The following FAM193A variants were observed in gnomAD, a reference collection of about 807,000 sequenced individuals.
FAM193A encodes family with sequence similarity 193 member A.
In FAM193A, 22 loss-of-function variants were observed where a neutral mutation model predicts 126.5. The observed-to-expected ratio is 0.17, with a 90% CI of 0.12 to 0.25. The LOEUF is 0.25. Among genes scored for constraint, FAM193A ranks in the 10% least tolerant of loss-of-function variants. The pLI is 1.00. For synonymous variants in FAM193A, 761 were observed against 646.8 expected (o/e 1.18, Z -2.68); for missense variants, 1,675 against 1,672.8 (o/e 1.00, Z -0.02).
chr4:2,607,927 C>T (rs1046886127), intron 2 of FAM193A: 57 of 1,258,248 alleles, frequency 4.5e-5, no homozygotes, highest in Admixed American at 1.1e-4. Context: ...GTGATGGTGT[C>T]GCTTTATGAA....
chr4:2,570,732 C>T (rs1475012891), intron 1 of FAM193A, among the ~76,000 whole-genome samples: 3 of 152,106 alleles, frequency 2.0e-5, no homozygotes, highest in African/African-American at 4.8e-5. Flanking sequence ...TGGGTACAGG[C>T]CTTGGTGAGC....
intron 1 of FAM193A, among the ~76,000 whole-genome samples, chr4:2,566,469 C>T (rs1289570220): frequency 1.3e-5 from 2 of 152,102 alleles, no homozygotes; most frequent in Non-Finnish European, 2.9e-5. Context: ...GCGGACGGAT[C>T]ACTTGAAGTC....
intron 2 of FAM193A, chr4:2,607,947 T>C (rs1741641269): frequency 1.4e-6 from 2 of 1,442,384 alleles, no homozygotes; most frequent in Admixed American, 4.9e-5. Flanking sequence ...ACACAGATTC[T>C]TTTCTTTTTT....
chr4:2,686,208 C>G (rs559566397), intron 13 of FAM193A, among the ~76,000 whole-genome samples: 1 of 152,342 alleles, frequency 6.6e-6, no homozygotes, highest in East Asian at 1.9e-4. Flanking sequence ...GTCCCTACAA[C>G]TGGGCTTCCG....
At chr4:2,664,444 G>C (rs1253474735) in intron 12 of FAM193A, among the ~76,000 whole-genome samples, 1 of 151,332 alleles carries the variant, frequency 6.6e-6, no homozygotes, top group South Asian at 2.1e-4. Flanking sequence ...TTTGATCTCT[G>C]TGTCTGTCCT....
chr4:2,651,834 G>T (rs1413298251), intron 7 of FAM193A, among the ~76,000 whole-genome samples: 1 of 152,200 alleles, frequency 6.6e-6, no homozygotes, highest in Non-Finnish European at 1.5e-5. Context: ...GAGTCGTCAA[G>T]AAGTGACCAT....
intron 8 of FAM193A, among the ~76,000 whole-genome samples, chr4:2,658,132 C>A (rs1484491021): frequency 1.3e-5 from 2 of 152,196 alleles, no homozygotes; most frequent in Non-Finnish European, 2.9e-5. Context: ...TATCCCACAG[C>A]AGCTCTGGGT....
At chr4:2,621,027 C>T (rs1214022224) in intron 2 of FAM193A, among the ~76,000 whole-genome samples, 1 of 151,812 alleles carries the variant, frequency 6.6e-6, no homozygotes, top group African/African-American at 2.4e-5. Flanking sequence ...TCATTATGCC[C>T]CACTGGGTAG....
chr4:2,552,232 C>T (rs574083146), intron 1 of FAM193A, among the ~76,000 whole-genome samples: 20 of 151,758 alleles, frequency 1.3e-4, no homozygotes, highest in South Asian at 1.0e-3. Flanking sequence ...AGGATGATCT[C>T]GACCTCCTGA....
chr4:2,695,215 C>A, intron 17 of FAM193A, 86 bp downstream of exon 17: 2 of 1,168,168 alleles, frequency 1.7e-6, no homozygotes, highest in Non-Finnish European at 2.3e-6. Flanking sequence ...AGGTTGAATT[C>A]GGGGTATATT....
chr4:2,628,856 T>C (rs1190028828), intron 4 of FAM193A, among the ~76,000 whole-genome samples: 2 of 71,504 alleles, frequency 2.8e-5, no homozygotes, highest in Non-Finnish European at 4.0e-5. Context: ...TCTCTCTCTT[T>C]TTTTTTTTTT....
intron 1 of FAM193A, among the ~76,000 whole-genome samples, chr4:2,544,515 A>G (rs1023626508): frequency 3.1e-4 from 47 of 152,170 alleles, no homozygotes; most frequent in African/African-American, 4.8e-5. Context: ...AGCCTGGCCA[A>G]CATGGTAAAA....
Position 2,725,273 on chromosome 4 carries a change from C to T in FAM193A, c.4455-6502C>T, listed in dbSNP as rs750188674. Among the ~76,000 whole-genome samples the T allele has an allele frequency of 5.9e-5, 9 of 151,682 alleles. No individual in the cohort carries two copies. The East Asian group carries it at 1.5e-3, about 26-fold the overall frequency. ...TGCTTGCCTGGGCAACACAGCAAGA[C>T]GTCATCTCTACAAAAAGTAAAATCA... is the stretch of plus-strand genomic sequence containing the variant. On this transcript the variant is annotated intron_variant, in intron 20 of 20. Transcript: ENST00000637812.
Position 2,557,698 on chromosome 4 carries a change from A to G in FAM193A, c.255+20528A>G, listed in dbSNP as rs186812923. 4.3e-3 allele frequency among the ~76,000 whole-genome samples: 650 copies of G among 152,298 alleles called. 1 individual carries two copies. The highest frequency in any genetic ancestry group is 8.0e-3 in the Non-Finnish European group (543 of 68,032). ...CTGGGCACGGTGGCTCACGCCTGTA[A>G]TCTCAGCACTTTGGGAGGCTGGGAT... On this transcript the variant is annotated intron_variant, in intron 1 of 20. Coordinates refer to ENST00000637812, the MANE Select transcript of FAM193A (RefSeq NM_001366318.2).
At chr4:2,649,443 C>T (rs1260434400) in intron 7 of FAM193A, among the ~76,000 whole-genome samples, 2 of 149,778 alleles carry the variant, frequency 1.3e-5, no homozygotes, top group Admixed American at 6.7e-5. Context: ...GAGGCTGAGG[C>T]AGGTGGATTA....
chr4:2,563,235 G>C (rs907733001), intron 1 of FAM193A, among the ~76,000 whole-genome samples: 13 of 152,172 alleles, frequency 8.5e-5, no homozygotes, highest in Admixed American at 8.5e-4. Flanking sequence ...GAGCCACTGC[G>C]CCTGGCCTTT....
At chr4:2,719,044 TGA>T (rs1430319247) in intron 20 of FAM193A, among the ~76,000 whole-genome samples, 1 of 152,096 alleles carries the variant, frequency 6.6e-6, no homozygotes, top group Admixed American at 6.5e-5. Flanking sequence ...TTTAAATGAG[TGA>T]GACATCACAC....
At chr4:2,574,815 G>A (rs1388420946) in intron 1 of FAM193A, among the ~76,000 whole-genome samples, 1 of 152,086 alleles carries the variant, frequency 6.6e-6, no homozygotes, top group African/African-American at 2.4e-5. Flanking sequence ...TATCTTTTTA[G>A]TGTTTCTTCA....
intron 12 of FAM193A, among the ~76,000 whole-genome samples, chr4:2,663,693 G>A (rs1366593504): frequency 1.3e-5 from 2 of 152,162 alleles, no homozygotes; most frequent in African/African-American, 2.4e-5. Flanking sequence ...TTGGCCGGGC[G>A]CAGTGGCTCA....
Sources: allele counts gnomAD v4.1 joint callset (sites outside exome capture counted in the v4.1 genomes callset), GRCh38; gene constraint gnomAD v4.1.1; transcripts MANE v1.5; gene names NCBI Gene and HGNC (gene_info 2026-07-23, HGNC 2026-07-21).